Variants in ROBO2 observed in about 807,000 individuals in gnomAD.
ROBO2 encodes the protein roundabout homolog 2.
Under a neutral mutation model 160.8 loss-of-function variants are expected in ROBO2, and 53 were observed. That is an observed-to-expected ratio of 0.33 (90% CI 0.26 to 0.41). ROBO2 has a LOEUF of 0.41. Among genes scored for constraint, ROBO2 ranks in the 10% least tolerant of loss-of-function variants. ROBO2 has a pLI of 1.00. For missense variants in ROBO2, 1,577 were observed against 1,722.4 expected, an observed-to-expected ratio of 0.92 and a Z score of 1.49; for synonymous variants, 664 against 611.7, an observed-to-expected ratio of 1.09 and a Z score of -1.26.
rs529054736 is a variant in ROBO2, at chr3:76,421,845, G to A, written c.109+484243G>A. On this transcript the variant is annotated intron_variant, in intron 2 of 26. Transcript: ENST00000487694. Reference sequence around the variant, plus strand: ...GAAATTTTTGGCATGGTTTTGCCACGAAAGTCACATTTAGTCCCCAATTTT... The same window carrying A: ...GAAATTTTTGGCATGGTTTTGCCACAAAAGTCACATTTAGTCCCCAATTTT... Among the ~76,000 whole-genome samples, 24 of 152,240 alleles carry A rather than the reference G, an allele frequency of 1.6e-4. 1 individual carries two copies. The East Asian group carries it at 1.9e-3, about 12-fold the overall frequency.
rs762543417 is a variant in ROBO2 at position 77,312,905 on chromosome 3, A to T, written c.389-164509A>T. On this transcript the variant is annotated intron_variant, in intron 2 of 25. Coordinates refer to ENST00000461745, the Ensembl canonical transcript of ROBO2. ...GAAATCTTAATTATCACCAAATCTA[A>T]AAAATCTGTGTCCTTTATTTACCTT... Among the ~76,000 whole-genome samples, 85 of 152,196 alleles carry T rather than the reference A, an allele frequency of 5.6e-4. 1 individual carries two copies. The highest frequency in any genetic ancestry group is 1.0e-4 in the Non-Finnish European group (7 of 68,038).
chr3:76,938,075 A>G (rs1176321317), intron 2 of ROBO2, among the ~76,000 whole-genome samples: 1 of 152,210 alleles, frequency 6.6e-6, no homozygotes, highest in Non-Finnish European at 1.5e-5. Context: ...GCAACTAGTC[A>G]GTAATCAAGA....
intron 2 of ROBO2, among the ~76,000 whole-genome samples, chr3:76,889,169 A>C (rs1295966975): frequency 6.6e-6 from 1 of 152,190 alleles, no homozygotes; most frequent in Non-Finnish European, 1.5e-5. Flanking sequence ...GATAGAGAGA[A>C]ACCCTTCACC....
chr3:77,466,684 C>T lies in ROBO2; in HGVS notation c.389-10730C>T, dbSNP rs552359515. ...TAAAGCAACAATAGTGTTAAAGTAA[C>T]TGGCAAAGAAGGTTGACCTTGACCT... is the stretch of plus-strand genomic sequence containing the variant. On this transcript the variant is annotated intron_variant, in intron 2 of 25. Transcript: ENST00000461745. 8.5e-5 allele frequency among the ~76,000 whole-genome samples: 13 copies of T among 152,280 alleles called. No homozygotes were observed. The East Asian group carries it at 1.4e-3, about 16-fold the overall frequency.
exon 16 of ROBO2, chr3:77,579,951 G>T: frequency 6.2e-7 from 1 of 1,612,840 alleles, no homozygotes; most frequent in Non-Finnish European, 8.5e-7. Context: ...CTGTAGATCT[G>T]GTGTCTAGGA....
At chr3:77,362,110 A>G (rs1320087902) in intron 2 of ROBO2, among the ~76,000 whole-genome samples, 1 of 152,192 alleles carries the variant, frequency 6.6e-6, no homozygotes, top group African/African-American at 2.4e-5. Context: ...GGAAAGGGAA[A>G]GTCAGGCAAG....
intron 2 of ROBO2, among the ~76,000 whole-genome samples, chr3:76,795,640 T>C (rs894956099): frequency 6.6e-6 from 1 of 152,106 alleles, no homozygotes; most frequent in African/African-American, 2.4e-5. Context: ...ATATATGCAA[T>C]TACTTCCTCC....
chr3:77,018,402 C>T (rs1318386379), intron 2 of ROBO2, among the ~76,000 whole-genome samples: 1 of 152,022 alleles, frequency 6.6e-6, no homozygotes, highest in Non-Finnish European at 1.5e-5. Flanking sequence ...CTAAATATAT[C>T]CTATTTCTAA....
At chr3:77,255,087 G>C (rs767363461) in intron 2 of ROBO2, among the ~76,000 whole-genome samples, 8 of 152,186 alleles carry the variant, frequency 5.3e-5, no homozygotes, top group Non-Finnish European at 1.0e-4. Flanking sequence ...GTAAATTTTA[G>C]ATTAACACTG....
chr3:76,395,980 G>T (rs1401279685), intron 2 of ROBO2, among the ~76,000 whole-genome samples: 1 of 152,116 alleles, frequency 6.6e-6, no homozygotes, highest in African/African-American at 2.4e-5. Context: ...TATGAGGCCA[G>T]CATCATCCTG....
At chr3:76,606,119 G>A (rs2087633127) in intron 2 of ROBO2, among the ~76,000 whole-genome samples, 2 of 151,886 alleles carry the variant, frequency 1.3e-5, no homozygotes, top group African/African-American at 4.8e-5. Context: ...ATTCTACTGG[G>A]GAAATAAAAG....
chr3:77,510,876 A>G (rs2089307549), intron 5 of ROBO2, among the ~76,000 whole-genome samples: 2 of 151,942 alleles, frequency 1.3e-5, no homozygotes, highest in African/African-American at 4.8e-5. Flanking sequence ...CGTGGTCTTC[A>G]TTTTCCTTCT....
chr3:76,319,161 A>C (rs944485154), intron 2 of ROBO2, among the ~76,000 whole-genome samples: 1 of 152,162 alleles, frequency 6.6e-6, no homozygotes, highest in Admixed American at 6.5e-5. Context: ...AGTCCTGAGG[A>C]TCACCTTTGT....
intron 1 of ROBO2, among the ~76,000 whole-genome samples, chr3:75,935,510 AAAAT>A (rs1190357195): frequency 6.6e-6 from 1 of 152,184 alleles, no homozygotes; most frequent in African/African-American, 2.4e-5. Flanking sequence ...GAGACTTTAA[AAAAT>A]AAATAAATCA....
intron 2 of ROBO2, among the ~76,000 whole-genome samples, chr3:77,376,058 C>A (rs1038126410): frequency 1.3e-5 from 2 of 152,040 alleles, no homozygotes; most frequent in African/African-American, 4.8e-5. Flanking sequence ...CAGGAAATAT[C>A]CCTAAGGAAT....
chr3:76,873,597 C>T (rs1025539738), intron 2 of ROBO2, among the ~76,000 whole-genome samples: 7 of 151,820 alleles, frequency 4.6e-5, no homozygotes, highest in African/African-American at 7.2e-5. Flanking sequence ...TCGTTGTCGT[C>T]GTCGTAGTAG....
intron 24 of ROBO2, among the ~76,000 whole-genome samples, chr3:77,641,370 CTT>C (rs1160363426): frequency 1.3e-5 from 2 of 152,186 alleles, no homozygotes; most frequent in Non-Finnish European, 2.9e-5. Context: ...ATTAGTATCA[CTT>C]TGCTCATAAA....
chr3:77,341,949 G>A (rs888731469), intron 2 of ROBO2, among the ~76,000 whole-genome samples: 3 of 152,014 alleles, frequency 2.0e-5, no homozygotes, highest in African/African-American at 7.2e-5. Flanking sequence ...AGAGAACAAA[G>A]AAAGCATATT....
At chr3:75,971,333 T>C (rs2064986662) in intron 2 of ROBO2, among the ~76,000 whole-genome samples, 1 of 151,532 alleles carries the variant, frequency 6.6e-6, no homozygotes, top group South Asian at 2.1e-4. Context: ...TCATAAAACC[T>C]GAACATGTTT....
Sources: gnomAD v4.1 joint callset for allele counts (sites outside exome capture counted in the v4.1 genomes callset) on GRCh38, gnomAD v4.1.1 for gene constraint, MANE v1.5 for transcripts, NCBI Gene and HGNC (gene_info 2026-07-23, HGNC 2026-07-21) for gene names.